MBD5: variants seen among roughly 807,000 people sequenced by gnomAD.
MBD5 encodes the protein methyl-CpG binding domain protein 5.
MBD5 carries 13 observed loss-of-function variants against 117.3 expected under a neutral mutation model. The ratio of observed to expected loss-of-function variants is 0.11; its 90% confidence interval spans 0.07 to 0.18. MBD5 has a LOEUF of 0.18. MBD5 is among the 10% of genes least tolerant of loss of function. The pLI, the probability that MBD5 is intolerant of heterozygous loss-of-function variation, is 1.00. For missense variants in MBD5, 1,879 were observed against 2,093.8 expected, an observed-to-expected ratio of 0.90 and a Z score of 2.00; for synonymous variants, 727 against 766.4, an observed-to-expected ratio of 0.95 and a Z score of 0.85.
intron 1 of MBD5, among the ~76,000 whole-genome samples, chr2:148,117,840 CA>C (rs1367713591): frequency 6.6e-6 from 1 of 152,152 alleles, no homozygotes; most frequent in Admixed American, 6.6e-5. Flanking sequence ...GAAACTGAGA[CA>C]AGGAGATTTA....
rs183165195 is a variant in MBD5, at chr2:148,234,693, T to A, written c.-680+1298T>A. Among the ~76,000 whole-genome samples the A allele has an allele frequency of 3.3e-5, 5 of 152,292 alleles. No individual in the cohort carries two copies. The East Asian group carries it at 9.6e-4, about 29-fold the overall frequency. ...GCTGATAATGTATGCCTTCTATTTCTAAGGATCTTCAAAGAAATAGATTCC... is the reference window on the plus strand; with the variant it reads ...GCTGATAATGTATGCCTTCTATTTCAAAGGATCTTCAAAGAAATAGATTCC... On this transcript the variant is annotated intron_variant, in intron 3 of 13. Transcript: ENST00000642680.
chr2:148,221,390 G>A (rs1458982939), intron 2 of MBD5, among the ~76,000 whole-genome samples: 2 of 151,888 alleles, frequency 1.3e-5, no homozygotes, highest in Non-Finnish European at 2.9e-5. Context: ...TACCAAGACT[G>A]GGGTTCCGTT....
chr2:148,251,870 T>C (rs970760790), intron 3 of MBD5, among the ~76,000 whole-genome samples: 5 of 152,218 alleles, frequency 3.3e-5, no homozygotes, highest in Non-Finnish European at 7.3e-5. Context: ...CCTGCCTTGC[T>C]ATCACGAGTG....
At chr2:148,391,199 A>G (rs1217793484) in intron 4 of MBD5, among the ~76,000 whole-genome samples, 1 of 152,140 alleles carries the variant, frequency 6.6e-6, no homozygotes, top group Non-Finnish European at 1.5e-5. Flanking sequence ...TTTCAGGGTT[A>G]TTTGTTTCTT....
intron 3 of MBD5, among the ~76,000 whole-genome samples, chr2:148,276,741 TTG>T (rs1701122779): frequency 6.6e-6 from 1 of 152,206 alleles, no homozygotes; most frequent in African/African-American, 2.4e-5. Flanking sequence ...AGAGATTTTT[TTG>T]AAGTAATTTT....
intron 1 of MBD5, among the ~76,000 whole-genome samples, chr2:148,171,787 A>G (rs1574092419): frequency 6.6e-6 from 1 of 152,378 alleles, no homozygotes; most frequent in Admixed American, 6.5e-5. Flanking sequence ...CAAAAAATCA[A>G]CATACAAAAA....
intron 1 of MBD5, among the ~76,000 whole-genome samples, chr2:148,074,858 G>A (rs1573985915): frequency 1.3e-5 from 2 of 152,140 alleles, no homozygotes; most frequent in Admixed American, 1.3e-4. Context: ...GATCATATGT[G>A]GCTAGAGGAA....
chr2:148,477,130 G>GA (rs892038216), intron 8 of MBD5, among the ~76,000 whole-genome samples: 10 of 149,708 alleles, frequency 6.7e-5, no homozygotes, highest in East Asian at 5.9e-4. Context: ...GAGGGGGGAA[G>GA]AAAAAAAAAC....
At chr2:148,174,176 C>G (rs1698328035) in intron 1 of MBD5, among the ~76,000 whole-genome samples, 1 of 152,100 alleles carries the variant, frequency 6.6e-6, no homozygotes, top group Non-Finnish European at 1.5e-5. Flanking sequence ...TGATTTATGA[C>G]AAAGATGTCA....
At chr2:148,024,035 G>A (rs770081689) in intron 1 of MBD5, among the ~76,000 whole-genome samples, 1 of 152,060 alleles carries the variant, frequency 6.6e-6, no homozygotes, top group African/African-American at 2.4e-5. Flanking sequence ...ACAGAGCAGG[G>A]ACCAGGGAAC....
At chr2:148,502,567 C>T (rs1243848182) in intron 12 of MBD5, 58 bp downstream of exon 12, 1 of 1,491,636 alleles carries the variant, frequency 6.7e-7, no homozygotes, top group Non-Finnish European at 9.3e-7. Context: ...ACTGTTTTTC[C>T]ATCAAAGGGA....
chr2:148,395,767 G>A (rs142500986), intron 4 of MBD5, among the ~76,000 whole-genome samples: 3 of 152,206 alleles, frequency 2.0e-5, no homozygotes, highest in African/African-American at 4.8e-5. Flanking sequence ...ATTAACCAAC[G>A]TGTATGCCTA....
chr2:148,291,434 A>T (rs1017313376), intron 3 of MBD5, among the ~76,000 whole-genome samples: 25 of 152,192 alleles, frequency 1.6e-4, no homozygotes, highest in Non-Finnish European at 3.7e-4. Context: ...ATCTATTCAC[A>T]AATATTTTAA....
intron 3 of MBD5, among the ~76,000 whole-genome samples, chr2:148,277,113 G>A (rs1006515329): frequency 3.3e-5 from 5 of 152,084 alleles, no homozygotes; most frequent in Admixed American, 2.6e-4. Context: ...AAGTCCAGTT[G>A]AGAATGCAAA....
chr2:148,185,200 T>A (rs1157372630), intron 2 of MBD5, among the ~76,000 whole-genome samples: 1 of 152,230 alleles, frequency 6.6e-6, no homozygotes, highest in African/African-American at 2.4e-5. Context: ...GACTGCCTCC[T>A]GCCCCAGATC....
At chr2:148,396,749 T>A (rs1306392784) in intron 4 of MBD5, among the ~76,000 whole-genome samples, 1 of 152,172 alleles carries the variant, frequency 6.6e-6, no homozygotes, top group Non-Finnish European at 1.5e-5. Context: ...GACTGGGGTA[T>A]TCTTACAGGG....
intron 2 of MBD5, among the ~76,000 whole-genome samples, chr2:148,182,131 G>A (rs1698547241): frequency 6.6e-6 from 1 of 151,948 alleles, no homozygotes; most frequent in African/African-American, 2.4e-5. Flanking sequence ...TAAAGGAGGT[G>A]AACCTAAAGT....
intron 1 of MBD5, among the ~76,000 whole-genome samples, chr2:148,072,619 T>C (rs914135742): frequency 2.6e-5 from 4 of 152,200 alleles, no homozygotes; most frequent in African/African-American, 9.6e-5. Flanking sequence ...TCTTCAGTTC[T>C]TTAGGCACAT....
intron 3 of MBD5, among the ~76,000 whole-genome samples, chr2:148,287,988 A>C (rs1013590322): frequency 4.6e-5 from 7 of 152,162 alleles, no homozygotes. Flanking sequence ...GAAGCTTTTC[A>C]AGTTTATTAT....
Sources: allele counts gnomAD v4.1 joint callset (sites outside exome capture counted in the v4.1 genomes callset), GRCh38; gene constraint gnomAD v4.1.1; transcripts MANE v1.5; gene names NCBI Gene and HGNC (gene_info 2026-07-23, HGNC 2026-07-21).